The following GRIA2 variants were observed in gnomAD, a reference collection of about 807,000 sequenced individuals.
GRIA2 encodes glutamate ionotropic receptor AMPA type subunit 2, also known as glutamate receptor 2.
GRIA2 carries 14 observed loss-of-function variants against 97.3 expected under a neutral mutation model. That is an observed-to-expected ratio of 0.14 (90% CI 0.10 to 0.23). The LOEUF is 0.23. Ranked by LOEUF, GRIA2 falls within the 10% of genes least tolerant of loss-of-function variation. The pLI is 1.00. For missense variants in GRIA2, 558 were observed against 1,069.8 expected (o/e 0.52, Z 6.67); for synonymous variants, 412 against 387.8 (o/e 1.06, Z -0.73).
chr4:157,240,080 A>G (rs897739709), intron 2 of GRIA2, among the ~76,000 whole-genome samples: 4 of 151,858 alleles, frequency 2.6e-5, no homozygotes, highest in African/African-American at 9.7e-5. Context: ...TATGCTTTAA[A>G]TACATTTTCT....
chr4:157,357,031 G>C (rs1034286059), intron 12 of GRIA2, among the ~76,000 whole-genome samples: 5 of 151,974 alleles, frequency 3.3e-5, no homozygotes, highest in African/African-American at 1.2e-4. Context: ...CCAAAACTTT[G>C]CTTTACCTTT....
chr4:157,316,317 T>C (rs548674961), intron 4 of GRIA2, among the ~76,000 whole-genome samples: 1 of 152,316 alleles, frequency 6.6e-6, no homozygotes, highest in East Asian at 1.9e-4. Context: ...AATTTAGTCA[T>C]GTTACATAAA....
intron 2 of GRIA2, among the ~76,000 whole-genome samples, chr4:157,232,675 C>T (rs1199257807): frequency 6.6e-6 from 1 of 152,034 alleles, no homozygotes; most frequent in Non-Finnish European, 1.5e-5. Flanking sequence ...AGGGAAGGAC[C>T]ATAAAATCCT....
chr4:157,283,525 G>A (rs1299519913), intron 2 of GRIA2, among the ~76,000 whole-genome samples: 3 of 151,954 alleles, frequency 2.0e-5, no homozygotes, highest in Admixed American at 6.6e-5. Context: ...AACCCTTAAT[G>A]AGCAAAAACA....
chr4:157,277,917 T>C (rs868791217), intron 2 of GRIA2, among the ~76,000 whole-genome samples: 1 of 147,190 alleles, frequency 6.8e-6, no homozygotes, highest in Non-Finnish European at 1.5e-5. Flanking sequence ...TATGTATATA[T>C]ATGTATATAT....
At chr4:157,260,045 T>C (rs1481830409) in intron 2 of GRIA2, among the ~76,000 whole-genome samples, 1 of 152,150 alleles carries the variant, frequency 6.6e-6, no homozygotes, top group Non-Finnish European at 1.5e-5. Flanking sequence ...ATTGTCCTTT[T>C]TTCTTGTAAA....
At chr4:157,342,080 T>G in intron 12 of GRIA2, 2 of 965,446 alleles carry the variant, frequency 2.1e-6, no homozygotes, top group Non-Finnish European at 2.5e-6. Context: ...AAGGACCTGA[T>G]GTTGGCATAA....
At chr4:157,326,687 G>A (rs1470189950) in intron 6 of GRIA2, among the ~76,000 whole-genome samples, 1 of 152,170 alleles carries the variant, frequency 6.6e-6, no homozygotes, top group Admixed American at 6.5e-5. Context: ...TGTCTCCAGT[G>A]CAAGGAAAAT....
intron 2 of GRIA2, among the ~76,000 whole-genome samples, chr4:157,225,914 T>C (rs1055585712): frequency 1.4e-4 from 22 of 152,160 alleles, no homozygotes; most frequent in African/African-American, 5.3e-4. Flanking sequence ...ATACTAAGTA[T>C]TTTTACATTA....
At chr4:157,228,744 G>C (rs888816923) in intron 2 of GRIA2, among the ~76,000 whole-genome samples, 1 of 119,168 alleles carries the variant, frequency 8.4e-6, no homozygotes, top group Non-Finnish European at 1.6e-5. Context: ...AGTGAGCCGA[G>C]ATAGCACCAC....
chr4:157,239,683 A>G (rs1341662855), intron 2 of GRIA2, among the ~76,000 whole-genome samples: 2 of 151,998 alleles, frequency 1.3e-5, no homozygotes, highest in Non-Finnish European at 2.9e-5. Context: ...ATATGTAAAT[A>G]CATGTATATA....
At chr4:157,295,940 A>C (rs972010030) in intron 2 of GRIA2, among the ~76,000 whole-genome samples, 2 of 152,162 alleles carry the variant, frequency 1.3e-5, no homozygotes, top group Admixed American at 6.6e-5. Flanking sequence ...AATTGTGGGA[A>C]TTTTTCTCTA....
Position 157,364,439 on chromosome 4 carries a change from A to C in GRIA2, c.*1008A>C, listed in dbSNP as rs1162827072. 6.6e-6 allele frequency: 1 copy of C among 151,794 alleles called. No homozygotes were observed. Among genetic ancestry groups the C allele is most frequent in the Non-Finnish European group, 1.5e-5 (1 of 67,846 alleles). The allele number at this position is 151,794 out of a possible 1,614,324, so 9.4% of individuals were successfully genotyped here. On this transcript the variant is annotated 3_prime_UTR_variant, in exon 16 of 16. Transcript: ENST00000264426. ...TCAAATGTAATCTTGCCCCCAAAGT[A>C]ATATCTGAATATCTTTTTGACATGT...
intron 2 of GRIA2, among the ~76,000 whole-genome samples, chr4:157,237,372 G>C (rs1730300913): frequency 6.7e-6 from 1 of 150,032 alleles, no homozygotes; most frequent in South Asian, 2.1e-4. Flanking sequence ...ATGGCTCACT[G>C]TAACCGCAAA....
chr4:157,228,120 G>A (rs1333578495), intron 2 of GRIA2, among the ~76,000 whole-genome samples: 3 of 152,190 alleles, frequency 2.0e-5, no homozygotes, highest in Admixed American at 2.0e-4. Flanking sequence ...ACAGGCCCTT[G>A]CTGCTGTTAA....
chr4:157,329,655 G>A (rs1410065973), intron 6 of GRIA2, among the ~76,000 whole-genome samples: 1 of 151,868 alleles, frequency 6.6e-6, no homozygotes. Flanking sequence ...AACTAGTTTT[G>A]CATCAAGATA....
At chr4:157,247,027 CTATT>C (rs1375003989) in intron 2 of GRIA2, among the ~76,000 whole-genome samples, 12 of 152,094 alleles carry the variant, frequency 7.9e-5, no homozygotes, top group African/African-American at 2.9e-4. Context: ...TGGTACTTGG[CTATT>C]TATTTTATAT....
intron 2 of GRIA2, among the ~76,000 whole-genome samples, chr4:157,230,744 T>C (rs1251902913): frequency 6.6e-6 from 1 of 152,182 alleles, no homozygotes; most frequent in East Asian, 1.9e-4. Flanking sequence ...TGAATTCTTA[T>C]AATAATTTTA....
intron 12 of GRIA2, among the ~76,000 whole-genome samples, chr4:157,346,026 C>T (rs529968450): frequency 1.3e-5 from 2 of 152,146 alleles, no homozygotes; most frequent in Admixed American, 6.6e-5. Flanking sequence ...GCTGCTGTTA[C>T]TTACCAGTGA....
Sources: allele counts gnomAD v4.1 joint callset (sites outside exome capture counted in the v4.1 genomes callset), GRCh38; gene constraint gnomAD v4.1.1; transcripts MANE v1.5; gene names NCBI Gene and HGNC (gene_info 2026-07-23, HGNC 2026-07-21).